Variants in MPHOSPH6 observed in about 807,000 individuals in gnomAD.
MPHOSPH6 encodes M-phase phosphoprotein 6.
Under a neutral mutation model 21.8 loss-of-function variants are expected in MPHOSPH6, and 25 were observed. That is an observed-to-expected ratio of 1.15 (90% CI 0.83 to 1.60). The LOEUF (loss-of-function observed/expected upper bound fraction) is 1.60, where lower values mean the gene tolerates loss of function less well. MPHOSPH6 is among the 40% of genes most tolerant of loss of function. The pLI, the probability that MPHOSPH6 is intolerant of heterozygous loss-of-function variation, is 0.00. For missense variants in MPHOSPH6, 269 were observed against 181.8 expected (o/e 1.48, Z -2.76); for synonymous variants, 84 against 56.5 (o/e 1.49, Z -2.18).
intron 1 of MPHOSPH6, among the ~76,000 whole-genome samples, chr16:82,169,006 T>C (rs764484993): frequency 6.6e-6 from 1 of 152,226 alleles, no homozygotes; most frequent in Non-Finnish European, 1.5e-5. Flanking sequence ...CTGTTTCAGT[T>C]GCCTTAGCTG....
intron 2 of MPHOSPH6, among the ~76,000 whole-genome samples, chr16:82,155,742 A>C (rs1906407757): frequency 6.6e-6 from 1 of 152,118 alleles, no homozygotes. Context: ...TGTCTCTACT[A>C]AAAATACAAA....
At chr16:82,169,693 T>G (rs2142423663) in intron 1 of MPHOSPH6, among the ~76,000 whole-genome samples, 1 of 152,234 alleles carries the variant, frequency 6.6e-6, no homozygotes, top group East Asian at 1.9e-4. Flanking sequence ...TGCTCTTCTT[T>G]TTAAAGATGA....
chr16:82,159,987 G>A (rs573204386), intron 2 of MPHOSPH6, among the ~76,000 whole-genome samples: 1 of 152,244 alleles, frequency 6.6e-6, no homozygotes, highest in Non-Finnish European at 1.5e-5. Flanking sequence ...ATCTCTCTCA[G>A]GAAAGCACCA....
At chr16:82,168,473 T>TCCC (rs377514524) in intron 1 of MPHOSPH6, among the ~76,000 whole-genome samples, 4 of 47,938 alleles carry the variant, frequency 8.3e-5, no homozygotes, top group Non-Finnish European at 1.4e-4. Context: ...ACTCTCTCTC[T>TCCC]TTTTTTTTTT....
intron 1 of MPHOSPH6, among the ~76,000 whole-genome samples, chr16:82,168,468 C>T (rs1363058925): frequency 2.1e-5 from 1 of 48,164 alleles, no homozygotes; most frequent in East Asian, 7.1e-4. Flanking sequence ...TGTTTACTCT[C>T]TCTCTTTTTT....
intron 2 of MPHOSPH6, among the ~76,000 whole-genome samples, chr16:82,160,154 G>A (rs553881609): frequency 6.6e-6 from 1 of 152,314 alleles, no homozygotes. Context: ...GAGCACAGGT[G>A]TTTTGTATCT....
chr16:82,151,965 G>A (rs1906278622), intron 2 of MPHOSPH6, among the ~76,000 whole-genome samples: 1 of 152,132 alleles, frequency 6.6e-6, no homozygotes, highest in African/African-American at 2.4e-5. Context: ...GGCATATTTT[G>A]TCTTTCGTTC....
chr16:82,165,989 C>T (rs1028663088), intron 1 of MPHOSPH6, among the ~76,000 whole-genome samples: 1 of 152,228 alleles, frequency 6.6e-6, no homozygotes, highest in African/African-American at 2.4e-5. Context: ...CTGTGGAAAA[C>T]AGCATGGCAG....
chr16:82,165,283 A>G (rs1597165231), intron 1 of MPHOSPH6, among the ~76,000 whole-genome samples: 1 of 151,038 alleles, frequency 6.6e-6, no homozygotes, highest in East Asian at 1.9e-4. Flanking sequence ...CTGCCACCAC[A>G]CCCAGCTAAT....
chr16:82,168,220 A>G (rs1401753209), intron 1 of MPHOSPH6, among the ~76,000 whole-genome samples: 1 of 152,210 alleles, frequency 6.6e-6, no homozygotes, highest in Admixed American at 6.5e-5. Flanking sequence ...TCCAAGAGCT[A>G]AAACAACTGC....
chr16:82,163,715 T>C (rs913712640), intron 2 of MPHOSPH6, among the ~76,000 whole-genome samples: 1 of 152,238 alleles, frequency 6.6e-6, no homozygotes, highest in Non-Finnish European at 1.5e-5. Context: ...CTCAACCTAA[T>C]GAACTCTGTA....
chr16:82,154,328 A>G (rs1906360908), intron 2 of MPHOSPH6, among the ~76,000 whole-genome samples: 1 of 152,228 alleles, frequency 6.6e-6, no homozygotes, highest in East Asian at 1.9e-4. Context: ...TTGGCATGTA[A>G]GTCAACTGCC....
intron 1 of MPHOSPH6, among the ~76,000 whole-genome samples, chr16:82,169,285 C>G (rs532512977): frequency 1.5e-4 from 23 of 152,342 alleles, no homozygotes; most frequent in African/African-American, 5.5e-4. Flanking sequence ...TGAATTGTCT[C>G]TAATTCTTGG....
At chr16:82,149,430 C>T (rs779655464) in intron 3 of MPHOSPH6, 27 bp from the exon 4 acceptor site, 3 of 1,600,480 alleles carry the variant, frequency 1.9e-6, no homozygotes, top group African/African-American at 1.3e-5. Context: ...TGCTGACCTT[C>T]AGGCTAGAAA....
intron 2 of MPHOSPH6, among the ~76,000 whole-genome samples, chr16:82,161,706 A>C (rs1184806533): frequency 1.3e-5 from 2 of 152,190 alleles, no homozygotes; most frequent in African/African-American, 2.4e-5. Context: ...GATAATGGGC[A>C]ATGTGGCTAC....
chr16:82,157,190 T>C (rs1597161633), intron 2 of MPHOSPH6, among the ~76,000 whole-genome samples: 1 of 152,076 alleles, frequency 6.6e-6, no homozygotes, highest in East Asian at 1.9e-4. Flanking sequence ...TAAAAAGATA[T>C]CTAACTCCAA....
intron 1 of MPHOSPH6, among the ~76,000 whole-genome samples, chr16:82,165,634 A>G (rs930770393): frequency 7.7e-5 from 8 of 103,806 alleles, no homozygotes; most frequent in African/African-American, 2.4e-4. Context: ...TTTTTATTGT[A>G]CCTTTTCTAT....
chr16:82,148,558 A>G lies in MPHOSPH6; in HGVS notation c.*173T>C, dbSNP rs1159729120. The stretch of plus-strand genomic sequence containing the variant: ...CTGAATGAATACCAAGAAGCAAAGG[A>G]TGTACAACATCCATCACACATCTGT... On this transcript the variant is annotated 3_prime_UTR_variant, in exon 5 of 5. Transcript: ENST00000258169. The G allele has an allele frequency of 1.3e-6, 1 of 751,658 alleles. No individual in the cohort carries two copies. The highest frequency in any genetic ancestry group is 1.7e-5 in the African/African-American group (1 of 57,454). 46.6% of individuals were successfully genotyped at this position (751,658 alleles called of 1,614,324 possible). A position where few individuals can be genotyped will look rare whatever the true frequency, so the allele number is the denominator to read the frequency against.
At chr16:82,156,130 T>C (rs755108870) in intron 2 of MPHOSPH6, among the ~76,000 whole-genome samples, 2 of 151,880 alleles carry the variant, frequency 1.3e-5, no homozygotes, top group Non-Finnish European at 2.9e-5. Flanking sequence ...AAGAAAAAAT[T>C]GATAAAATAG....
Sources: gnomAD v4.1 joint callset for allele counts (sites outside exome capture counted in the v4.1 genomes callset) on GRCh38, gnomAD v4.1.1 for gene constraint, MANE v1.5 for transcripts, NCBI Gene and HGNC (gene_info 2026-07-23, HGNC 2026-07-21) for gene names.